TTC28: variants seen among roughly 807,000 people sequenced by gnomAD.
The protein encoded by TTC28 is tetratricopeptide repeat protein 28.
TTC28 carries 61 observed loss-of-function variants against 198.0 expected under a neutral mutation model. The ratio of observed to expected loss-of-function variants is 0.31; its 90% CI spans 0.25 to 0.38. The LOEUF (loss-of-function observed/expected upper bound fraction) is 0.38, where lower values mean the gene tolerates loss of function less well. Among genes scored for constraint, TTC28 ranks in the 10% least tolerant of loss-of-function variants. The probability of loss-of-function intolerance (pLI) is 1.00; values close to 1 mark genes in which losing one functional copy is unlikely to be tolerated. For missense variants in TTC28, 2,678 were observed against 3,164.0 expected (o/e 0.85, Z 3.69); for synonymous variants, 1,171 against 1,297.8 (o/e 0.90, Z 2.10).
Position 28,629,677 on chromosome 22 carries a change from CCAGGG to C in TTC28, c.251_255del (p.Ala84GlyfsTer3). 6.4e-7 allele frequency: 1 copy of C among 1,551,656 alleles called. No homozygotes were observed. The highest frequency in any genetic ancestry group is 8.7e-7 in the Non-Finnish European group (1 of 1,146,988). On this transcript the variant is annotated frameshift_variant, in exon 2 of 23. Coordinates refer to ENST00000397906, the MANE Select transcript of TTC28 (RefSeq NM_001145418.2). LOFTEE classifies it high-confidence loss of function. ...AAGATGCAGTTCTGAGGGTCAACAGCCAGGGCTTCATTATACAGAACAATAGCTGT... is the reference window on the plus strand; with the variant it reads ...AAGATGCAGTTCTGAGGGTCAACAGCCTTCATTATACAGAACAATAGCTGT...
At chr22:28,538,390 T>C (rs1160120296) in intron 2 of TTC28, among the ~76,000 whole-genome samples, 2 of 149,774 alleles carry the variant, frequency 1.3e-5, no homozygotes, top group Non-Finnish European at 3.0e-5. Context: ...GCCTGGCCTA[T>C]AGGTATATCT....
chr22:28,236,035 C>A (rs1234302848), intron 5 of TTC28, among the ~76,000 whole-genome samples: 4 of 152,162 alleles, frequency 2.6e-5, no homozygotes, highest in African/African-American at 9.7e-5. Flanking sequence ...CTCCAGGTGA[C>A]TGCTGATCTT....
intron 5 of TTC28, among the ~76,000 whole-genome samples, chr22:28,290,937 A>C (rs1213105684): frequency 6.6e-6 from 1 of 152,074 alleles, no homozygotes; most frequent in African/African-American, 2.4e-5. Context: ...ACAATGAAAA[A>C]ATATCTCATT....
At chr22:28,608,904 A>G (rs2050775873) in intron 2 of TTC28, among the ~76,000 whole-genome samples, 2 of 152,230 alleles carry the variant, frequency 1.3e-5, no homozygotes, top group African/African-American at 4.8e-5. Context: ...ACAAAAGCCA[A>G]TAACAACAAC....
intron 2 of TTC28, among the ~76,000 whole-genome samples, chr22:28,325,941 G>C (rs957465372): frequency 6.6e-6 from 1 of 152,038 alleles, no homozygotes; most frequent in Non-Finnish European, 1.5e-5. Context: ...CTTGTAAAGT[G>C]AAATTTAGAC....
At chr22:28,316,593 C>T (rs918503231) in intron 2 of TTC28, among the ~76,000 whole-genome samples, 5 of 152,008 alleles carry the variant, frequency 3.3e-5, no homozygotes, top group African/African-American at 1.2e-4. Context: ...TATGTTTCCC[C>T]ATTTATGTTT....
At chr22:28,379,807 GA>G (rs1285505443) in intron 2 of TTC28, among the ~76,000 whole-genome samples, 2 of 152,076 alleles carry the variant, frequency 1.3e-5, no homozygotes, top group African/African-American at 2.4e-5. Flanking sequence ...TAAATAAAAA[GA>G]TTTTTTTAAT....
intron 2 of TTC28, among the ~76,000 whole-genome samples, chr22:28,606,406 T>C (rs1049617770): frequency 1.3e-5 from 2 of 152,164 alleles, no homozygotes; most frequent in African/African-American, 4.8e-5. Flanking sequence ...AATTTTTTAA[T>C]TGTTCTAAGT....
chr22:28,066,095 G>A (rs888852922), intron 12 of TTC28, among the ~76,000 whole-genome samples: 77 of 152,008 alleles, frequency 5.1e-4, no homozygotes, highest in Non-Finnish European at 9.7e-4. Flanking sequence ...GTTGGCCAGG[G>A]TTTTTTATTA....
intron 1 of TTC28, among the ~76,000 whole-genome samples, chr22:28,652,995 A>C (rs147592498): frequency 1.5e-4 from 23 of 152,222 alleles, no homozygotes; most frequent in African/African-American, 5.3e-4. Flanking sequence ...TGCCTCCCTA[A>C]AACTCCCATT....
chr22:28,395,451 GT>G (rs1052904617), intron 2 of TTC28, among the ~76,000 whole-genome samples: 7 of 152,130 alleles, frequency 4.6e-5, no homozygotes, highest in Non-Finnish European at 1.0e-4. Context: ...GGCTAACGCG[GT>G]AAAACCCCAA....
intron 12 of TTC28, among the ~76,000 whole-genome samples, chr22:28,083,853 TAGG>T (rs777448871): frequency 3.3e-5 from 5 of 152,192 alleles, no homozygotes; most frequent in Non-Finnish European, 7.4e-5. Flanking sequence ...AATGGCACAC[TAGG>T]AGATTATATC....
At position 28,434,455 on chromosome 22, in the gene TTC28, A is replaced by C. The variant is rs2047487169; in HGVS notation, c.382-127812T>G. ...TCCCAGCACTTTGGAAGGCTGAGAC[A>C]GGCGGATCATTTGAGGTCAAGAGTT... On this transcript the variant is annotated intron_variant, in intron 2 of 22. Coordinates refer to ENST00000397906, the MANE Select transcript of TTC28 (RefSeq NM_001145418.2). Among the ~76,000 whole-genome samples, 3 of 152,290 alleles carry C rather than the reference A, an allele frequency of 2.0e-5. No individual in the cohort carries two copies. In the South Asian group the frequency reaches 6.2e-4, roughly 32 times the overall value.
chr22:28,154,356 C>CA (rs1943698572), intron 6 of TTC28, among the ~76,000 whole-genome samples: 1 of 115,574 alleles, frequency 8.7e-6, no homozygotes, highest in Non-Finnish European at 1.8e-5. Context: ...TTTTCTTTTT[C>CA]TTTTTTTTTT....
At chr22:28,083,114 G>A (rs528250877) in intron 12 of TTC28, among the ~76,000 whole-genome samples, 15 of 150,626 alleles carry the variant, frequency 1.0e-4, no homozygotes, top group East Asian at 2.0e-4. Context: ...ATATGATGGC[G>A]CAGGAACCTG....
At chr22:28,560,003 A>C (rs939367007) in intron 2 of TTC28, among the ~76,000 whole-genome samples, 3 of 152,170 alleles carry the variant, frequency 2.0e-5, no homozygotes, top group Non-Finnish European at 1.5e-5. Context: ...CTCAAATTTA[A>C]TATCTAAAAC....
At chr22:28,270,837 C>T (rs1932019803) in intron 5 of TTC28, among the ~76,000 whole-genome samples, 1 of 151,982 alleles carries the variant, frequency 6.6e-6, no homozygotes, top group Non-Finnish European at 1.5e-5. Context: ...AGTTTGAGAC[C>T]AGCCTGGGCA....
intron 5 of TTC28, among the ~76,000 whole-genome samples, chr22:28,254,402 A>T (rs1930739425): frequency 6.6e-6 from 1 of 152,134 alleles, no homozygotes; most frequent in South Asian, 2.1e-4. Context: ...AATTAAAGTG[A>T]AGAAGCAATT....
At chr22:28,354,291 A>G (rs1330496356) in intron 2 of TTC28, among the ~76,000 whole-genome samples, 1 of 152,216 alleles carries the variant, frequency 6.6e-6, no homozygotes, top group Non-Finnish European at 1.5e-5. Flanking sequence ...TCCATCATCA[A>G]ATACATAGAT....
Sources: gnomAD v4.1 joint callset for allele counts (sites outside exome capture counted in the v4.1 genomes callset) on GRCh38, gnomAD v4.1.1 for gene constraint, MANE v1.5 for transcripts, NCBI Gene and HGNC (gene_info 2026-07-23, HGNC 2026-07-21) for gene names.